Variants in CACNA2D3 observed in about 807,000 individuals in gnomAD.
CACNA2D3 encodes the protein voltage-dependent calcium channel subunit alpha-2/delta-3.
CACNA2D3 carries 60 observed loss-of-function variants against 160.6 expected under a neutral mutation model. The observed-to-expected ratio is 0.37, with a 90% CI of 0.30 to 0.46. The LOEUF (loss-of-function observed/expected upper bound fraction) is 0.46, where lower values mean the gene tolerates loss of function less well. CACNA2D3 is among the 20% of genes least tolerant of loss of function. The pLI is 1.00. For missense variants in CACNA2D3, 1,205 were observed against 1,365.0 expected (o/e 0.88, Z 1.85); for synonymous variants, 558 against 492.9 (o/e 1.13, Z -1.75).
intron 15 of CACNA2D3, among the ~76,000 whole-genome samples, chr3:54,838,232 C>A (rs149091444): frequency 6.6e-6 from 1 of 152,190 alleles, no homozygotes; most frequent in Non-Finnish European, 1.5e-5. Context: ...AACTGGTGAA[C>A]GTTTAGAGCC....
intron 31 of CACNA2D3, among the ~76,000 whole-genome samples, chr3:55,002,416 G>A (rs1033469250): frequency 1.3e-5 from 2 of 152,202 alleles, no homozygotes; most frequent in Admixed American, 6.5e-5. Context: ...TCCTGAGTGA[G>A]GATGGAGATG....
At chr3:54,944,362 T>C (rs1701554737) in intron 27 of CACNA2D3, among the ~76,000 whole-genome samples, 1 of 152,068 alleles carries the variant, frequency 6.6e-6, no homozygotes, top group African/African-American at 2.4e-5. Flanking sequence ...AATTCATTTG[T>C]ATATTTTGAC....
intron 17 of CACNA2D3, among the ~76,000 whole-genome samples, chr3:54,870,320 G>T (rs1387549852): frequency 2.6e-5 from 4 of 152,108 alleles, no homozygotes; most frequent in African/African-American, 7.2e-5. Context: ...GTCAAAAATG[G>T]CAACCTATGG....
chr3:54,307,798 T>A (rs1456195693), intron 2 of CACNA2D3, among the ~76,000 whole-genome samples: 1 of 152,208 alleles, frequency 6.6e-6, no homozygotes. Context: ...TTCCAGGACA[T>A]CTTGGATATA....
At chr3:54,251,627 C>T (rs1702191445) in intron 2 of CACNA2D3, among the ~76,000 whole-genome samples, 1 of 152,190 alleles carries the variant, frequency 6.6e-6, no homozygotes, top group Non-Finnish European at 1.5e-5. Context: ...TATACCAATT[C>T]CATCTCATCT....
chr3:54,457,219 C>T (rs1700415279), intron 4 of CACNA2D3, among the ~76,000 whole-genome samples: 2 of 151,888 alleles, frequency 1.3e-5, no homozygotes, highest in Non-Finnish European at 2.9e-5. Flanking sequence ...CCTCTTAATA[C>T]TGCCTTTGCT....
chr3:54,310,729 T>C (rs1346748481), intron 2 of CACNA2D3, among the ~76,000 whole-genome samples: 2 of 152,236 alleles, frequency 1.3e-5, no homozygotes, highest in African/African-American at 4.8e-5. Context: ...TTAGAAATAC[T>C]GAGATTTATT....
intron 11 of CACNA2D3, among the ~76,000 whole-genome samples, chr3:54,735,992 T>C (rs573410542): frequency 3.4e-4 from 34 of 98,744 alleles, no homozygotes; most frequent in African/African-American, 1.1e-3. Context: ...TATATATATA[T>C]ACATATATAT....
chr3:54,779,874 G>C (rs1244064349), intron 13 of CACNA2D3, among the ~76,000 whole-genome samples: 1 of 152,110 alleles, frequency 6.6e-6, no homozygotes, highest in Non-Finnish European at 1.5e-5. Flanking sequence ...TAAAATTCTT[G>C]TTTTGTCTAT....
At chr3:54,920,820 G>A (rs564749451) in intron 27 of CACNA2D3, among the ~76,000 whole-genome samples, 2 of 152,266 alleles carry the variant, frequency 1.3e-5, no homozygotes, top group Admixed American at 1.3e-4. Context: ...CCTTGACTAG[G>A]GTGGTTTACC....
intron 11 of CACNA2D3, among the ~76,000 whole-genome samples, chr3:54,721,725 C>G (rs1158830415): frequency 2.1e-5 from 3 of 145,998 alleles, no homozygotes; most frequent in Non-Finnish European, 3.0e-5. Context: ...TGCACCACTG[C>G]ACTCCAGCCT....
chr3:54,290,171 C>G (rs560792708), intron 2 of CACNA2D3, among the ~76,000 whole-genome samples: 1 of 152,142 alleles, frequency 6.6e-6, no homozygotes, highest in South Asian at 2.1e-4. Flanking sequence ...TGACAAAGGG[C>G]TAATATCCAG....
chr3:54,332,920 A>C (rs1422689539), intron 3 of CACNA2D3, among the ~76,000 whole-genome samples: 1 of 152,102 alleles, frequency 6.6e-6, no homozygotes, highest in Admixed American at 6.5e-5. Flanking sequence ...CTATTAGGGG[A>C]GACAGGAAGG....
intron 4 of CACNA2D3, among the ~76,000 whole-genome samples, chr3:54,479,140 A>G (rs1458892104): frequency 6.6e-6 from 1 of 151,890 alleles, no homozygotes; most frequent in African/African-American, 2.4e-5. Context: ...ATGAGATCTG[A>G]TGGTTTTATA....
chr3:54,302,529 G>A (rs751357800), intron 2 of CACNA2D3, among the ~76,000 whole-genome samples: 10 of 152,282 alleles, frequency 6.6e-5, no homozygotes, highest in Non-Finnish European at 1.5e-4. Context: ...TTGATCTCGA[G>A]TTTGGTCTTC....
At chr3:54,148,628 A>G (rs1289833711) in intron 2 of CACNA2D3, among the ~76,000 whole-genome samples, 1 of 152,128 alleles carries the variant, frequency 6.6e-6, no homozygotes, top group Non-Finnish European at 1.5e-5. Context: ...TTCATGTCAG[A>G]TAAGAAGCTT....
chr3:54,302,163 C>T (rs961969699), intron 2 of CACNA2D3, among the ~76,000 whole-genome samples: 5 of 152,158 alleles, frequency 3.3e-5, no homozygotes, highest in African/African-American at 4.8e-5. Flanking sequence ...GGTCCTTTAG[C>T]GACACATTCT....
chr3:54,828,158 G>A (rs1396157908), intron 14 of CACNA2D3, among the ~76,000 whole-genome samples: 3 of 152,170 alleles, frequency 2.0e-5, no homozygotes, highest in Non-Finnish European at 4.4e-5. Context: ...TTGTCCCAGG[G>A]CCCCAAAGCT....
chr3:54,968,933 A>G (rs974072656), intron 28 of CACNA2D3, among the ~76,000 whole-genome samples: 2 of 152,298 alleles, frequency 1.3e-5, no homozygotes, highest in South Asian at 4.2e-4. Context: ...CTTTGTTCAC[A>G]GGGTCTACCT....
Sources: gnomAD v4.1 joint callset for allele counts (sites outside exome capture counted in the v4.1 genomes callset) on GRCh38, gnomAD v4.1.1 for gene constraint, MANE v1.5 for transcripts, NCBI Gene and HGNC (gene_info 2026-07-23, HGNC 2026-07-21) for gene names.